SPSB4: variants seen among roughly 807,000 people sequenced by gnomAD.
The protein encoded by SPSB4 is SPRY domain-containing SOCS box protein 4.
SPSB4 carries 21 observed loss-of-function variants against 20.9 expected under a neutral mutation model. The observed-to-expected ratio is 1.01, with a 90% CI of 0.71 to 1.45. SPSB4 has a LOEUF of 1.45. Among genes scored for constraint, SPSB4 ranks in the 40% most tolerant of loss-of-function variants. The probability of loss-of-function intolerance (pLI) is 0.00; values close to 1 mark genes in which losing one functional copy is unlikely to be tolerated. For missense variants in SPSB4, 399 were observed against 399.2 expected (o/e 1.00, Z 0.00); for synonymous variants, 207 against 183.8 (o/e 1.13, Z -1.02).
chr3:141,144,791 G>A (rs1420184916), intron 2 of SPSB4, among the ~76,000 whole-genome samples: 1 of 152,218 alleles, frequency 6.6e-6, no homozygotes, highest in Non-Finnish European at 1.5e-5. Flanking sequence ...GCAACACACA[G>A]GGAGTTGGGT....
intron 2 of SPSB4, among the ~76,000 whole-genome samples, chr3:141,087,276 G>A (rs144404588): frequency 2.0e-5 from 3 of 152,312 alleles, no homozygotes; most frequent in South Asian, 2.1e-4. Flanking sequence ...CCTGGAGCAT[G>A]AGGCTGCAGA....
chr3:141,131,119 T>TA lies in SPSB4; in HGVS notation c.695-16022dup, dbSNP rs1317885012. Among the ~76,000 whole-genome samples the TA allele has an allele frequency of 7.0e-4, 106 of 152,168 alleles. 5 individuals are homozygous for TA. The highest frequency in any genetic ancestry group is 1.5e-5 in the Non-Finnish European group (1 of 68,026). On this transcript the variant is annotated intron_variant, in intron 2 of 2. Coordinates refer to ENST00000310546, the MANE Select transcript of SPSB4 (RefSeq NM_080862.3). ...AACACCTTTAAGGCAAGGGGCCTGT[T>TA]ACGTCATACCATCATCACAACAGCC... is the stretch of plus-strand genomic sequence containing the variant.
intron 2 of SPSB4, among the ~76,000 whole-genome samples, chr3:141,118,805 G>C (rs545156705): frequency 1.3e-5 from 2 of 152,144 alleles, no homozygotes; most frequent in Non-Finnish European, 2.9e-5. Context: ...GGTTGTAGAT[G>C]TGTAGTGTTA....
intron 2 of SPSB4, among the ~76,000 whole-genome samples, chr3:141,121,611 C>T (rs915805397): frequency 6.6e-6 from 1 of 152,188 alleles, no homozygotes; most frequent in East Asian, 1.9e-4. Context: ...TTGTTCATTT[C>T]TTTTCACTCT....
chr3:141,129,616 G>C (rs1289876027), intron 2 of SPSB4, among the ~76,000 whole-genome samples: 1 of 152,212 alleles, frequency 6.6e-6, no homozygotes, highest in Non-Finnish European at 1.5e-5. Flanking sequence ...CGAATCTTCT[G>C]TCATTTCAGA....
At chr3:141,116,178 CCCCAGG>C (rs2107799850) in intron 2 of SPSB4, among the ~76,000 whole-genome samples, 1 of 152,292 alleles carries the variant, frequency 6.6e-6, no homozygotes, top group Admixed American at 6.5e-5. Flanking sequence ...AGGAGCACAG[CCCCAGG>C]CTGCTTCAGG....
At chr3:141,145,962 C>T (rs1185911249) in intron 2 of SPSB4, among the ~76,000 whole-genome samples, 1 of 152,162 alleles carries the variant, frequency 6.6e-6, no homozygotes, top group African/African-American at 2.4e-5. Context: ...TTTCAAACAG[C>T]TCTTCTATAT....
At chr3:141,143,025 C>T (rs539140578) in intron 2 of SPSB4, among the ~76,000 whole-genome samples, 3 of 151,838 alleles carry the variant, frequency 2.0e-5, no homozygotes, top group Non-Finnish European at 1.5e-5. Context: ...ACCGTGTTAG[C>T]CAGGATGGTC....
chr3:141,096,428 A>C (rs779052561), intron 2 of SPSB4, among the ~76,000 whole-genome samples: 11 of 152,184 alleles, frequency 7.2e-5, no homozygotes, highest in South Asian at 2.1e-4. Context: ...GTCTCAGAGA[A>C]CTTGTGACTT....
At chr3:141,094,829 G>T (rs979995162) in intron 2 of SPSB4, among the ~76,000 whole-genome samples, 2 of 147,946 alleles carry the variant, frequency 1.4e-5, no homozygotes, top group Non-Finnish European at 3.0e-5. Context: ...TGGAGGGTTG[G>T]TGTACACATT....
intron 1 of SPSB4, among the ~76,000 whole-genome samples, chr3:141,064,997 C>G (rs1937836765): frequency 6.6e-6 from 1 of 152,166 alleles, no homozygotes. Context: ...AGAACAGAGC[C>G]AGAGAGGAAA....
intron 2 of SPSB4, among the ~76,000 whole-genome samples, chr3:141,089,559 G>A (rs1938412046): frequency 6.6e-6 from 1 of 152,162 alleles, no homozygotes; most frequent in Non-Finnish European, 1.5e-5. Context: ...GGAGGGAGGA[G>A]ATGAGTGTGG....
At chr3:141,091,490 A>G (rs944854167) in intron 2 of SPSB4, among the ~76,000 whole-genome samples, 4 of 152,226 alleles carry the variant, frequency 2.6e-5, no homozygotes, top group African/African-American at 7.2e-5. Flanking sequence ...TCTGTTTTCT[A>G]TTATTTTTGA....
At chr3:141,112,349 C>G (rs1349458584) in intron 2 of SPSB4, among the ~76,000 whole-genome samples, 1 of 152,174 alleles carries the variant, frequency 6.6e-6, no homozygotes, top group Non-Finnish European at 1.5e-5. Flanking sequence ...GGCCTTCTAT[C>G]AAAAGACAGA....
chr3:141,100,461 C>A (rs545235531), intron 2 of SPSB4, among the ~76,000 whole-genome samples: 7 of 152,262 alleles, frequency 4.6e-5, no homozygotes, highest in Non-Finnish European at 7.4e-5. Context: ...TCAAAGATTG[C>A]CGGTAAACCA....
Position 141,066,759 on chromosome 3 carries a change from C to T in SPSB4, c.655C>T (p.His219Tyr). The change falls in exon 2 of 3, where the codon CAC becomes TAC. Residue 219 changes from histidine (H) to tyrosine (Y), a missense_variant. Transcript: ENST00000310546. Reference sequence around the variant, plus strand: ...CCCGGTGGTGAGTGCCGTGTGGGGCCACTGTGAAGTCACCATGCGCTACAT... The same window carrying T: ...CCCGGTGGTGAGTGCCGTGTGGGGCTACTGTGAAGTCACCATGCGCTACAT... ...LYPVVSAVWG[H>Y]CEVTMRYING... 1 of 1,583,302 alleles carries T rather than the reference C, an allele frequency of 6.3e-7. No individual in the cohort carries two copies. The highest frequency in any genetic ancestry group is 8.6e-7 in the Non-Finnish European group (1 of 1,162,984).
chr3:141,094,453 T>C (rs1938513562), intron 2 of SPSB4, among the ~76,000 whole-genome samples: 1 of 152,126 alleles, frequency 6.6e-6, no homozygotes, highest in South Asian at 2.1e-4. Context: ...CTTATCTCTG[T>C]CAGTTGCCTC....
intron 2 of SPSB4, among the ~76,000 whole-genome samples, chr3:141,118,653 G>C (rs1253077531): frequency 1.3e-5 from 2 of 152,140 alleles, no homozygotes; most frequent in Non-Finnish European, 2.9e-5. Flanking sequence ...AATCCATCTT[G>C]AGTTAATTTT....
In SPSB4 at chr3:141,147,433, GA is replaced by G; in HGVS notation, c.*167del. On this transcript the variant is annotated 3_prime_UTR_variant, in exon 3 of 3. Transcript: ENST00000310546. ...AGGATGTGGTACCAACTTTGGAAAC[GA>G]AAGGTCTCTTGCCAACAGTATCTAC... is the stretch of plus-strand genomic sequence containing the variant. 8.1e-7 allele frequency: 1 copy of G among 1,234,894 alleles called. No homozygotes were observed. The highest frequency in any genetic ancestry group is 1.1e-6 in the Non-Finnish European group (1 of 901,152). The allele number at this position is 1,234,894 out of a possible 1,614,324, so 76.5% of individuals were successfully genotyped here. A position where few individuals can be genotyped will look rare whatever the true frequency, so the allele number is the denominator to read the frequency against.
Sources: allele counts gnomAD v4.1 joint callset (sites outside exome capture counted in the v4.1 genomes callset), GRCh38; gene constraint gnomAD v4.1.1; transcripts MANE v1.5; gene names NCBI Gene and HGNC (gene_info 2026-07-23, HGNC 2026-07-21).